KCMF1: variants seen among roughly 807,000 people sequenced by gnomAD.
The protein encoded by KCMF1 is potassium channel modulatory factor 1.
In KCMF1, 3 loss-of-function variants were observed where a neutral mutation model predicts 41.1. That is an observed-to-expected ratio of 0.07 (90% CI 0.03 to 0.19). The LOEUF is 0.19. Ranked by LOEUF, KCMF1 falls within the 10% of genes least tolerant of loss-of-function variation. The probability of loss-of-function intolerance (pLI) is 1.00; values close to 1 mark genes in which losing one functional copy is unlikely to be tolerated. For missense variants in KCMF1, 286 were observed against 488.9 expected, an observed-to-expected ratio of 0.58 and a Z score of 3.91; for synonymous variants, 142 against 164.5, an observed-to-expected ratio of 0.86 and a Z score of 1.04.
intron 1 of KCMF1, among the ~76,000 whole-genome samples, chr2:84,974,581 T>C (rs959024985): frequency 2.1e-5 from 3 of 145,528 alleles, no homozygotes; most frequent in Admixed American, 7.1e-5. Flanking sequence ...CGAAAGCAGC[T>C]ATAGACAACC....
At chr2:85,021,912 G>A (rs1167783354) in intron 1 of KCMF1, among the ~76,000 whole-genome samples, 1 of 151,990 alleles carries the variant, frequency 6.6e-6, no homozygotes, top group Non-Finnish European at 1.5e-5. Context: ...CGCCTCCCAG[G>A]TTCAAGCAAT....
At chr2:84,996,231 G>A (rs550648367) in intron 1 of KCMF1, among the ~76,000 whole-genome samples, 65 of 152,208 alleles carry the variant, frequency 4.3e-4, no homozygotes, top group African/African-American at 1.4e-3. Flanking sequence ...GTGTAGTATT[G>A]TCTGTTACAC....
intron 1 of KCMF1, among the ~76,000 whole-genome samples, chr2:84,988,254 C>T (rs994324643): frequency 4.0e-5 from 6 of 151,526 alleles, no homozygotes; most frequent in African/African-American, 1.5e-4. Context: ...AAGTAGGCTT[C>T]TTGGGAATGG....
chr2:85,005,691 A>T (rs1674454643), intron 1 of KCMF1, among the ~76,000 whole-genome samples: 1 of 152,088 alleles, frequency 6.6e-6, no homozygotes, highest in South Asian at 2.1e-4. Flanking sequence ...TTTTTAATAA[A>T]CTAGAGATGA....
chr2:85,038,984 T>C (rs188429026), intron 3 of KCMF1, among the ~76,000 whole-genome samples: 11 of 152,362 alleles, frequency 7.2e-5, no homozygotes, highest in Admixed American at 2.0e-4. Context: ...TCTCCCAAAG[T>C]GTTGGGGTTA....
At chr2:85,007,257 C>T (rs1187979117) in intron 1 of KCMF1, among the ~76,000 whole-genome samples, 1 of 152,138 alleles carries the variant, frequency 6.6e-6, no homozygotes, top group Non-Finnish European at 1.5e-5. Flanking sequence ...AGTTATGAAA[C>T]ATGGAATAGC....
Position 85,039,032 on chromosome 2 carries a change from C to A in KCMF1, c.324+3877C>A, listed in dbSNP as rs1244817324. 2.0e-5 allele frequency among the ~76,000 whole-genome samples: 3 copies of A among 152,204 alleles called. No individual in the cohort carries two copies. The East Asian group carries it at 5.8e-4, about 29-fold the overall frequency. On this transcript the variant is annotated intron_variant, in intron 3 of 6. Coordinates refer to ENST00000409785, the MANE Select transcript of KCMF1 (RefSeq NM_020122.5). ...ACTGTGCCCTGCCCCAATTTTGGCC[C>A]CAGTTTTTAAAAAGAGATGAAATTC...
intron 1 of KCMF1, among the ~76,000 whole-genome samples, chr2:84,998,878 CT>C (rs1360190828): frequency 6.6e-6 from 1 of 151,606 alleles, no homozygotes; most frequent in Non-Finnish European, 1.5e-5. Context: ...TCCCAAAGTG[CT>C]GGGATTACAG....
At chr2:85,008,872 C>G (rs758493680) in intron 1 of KCMF1, among the ~76,000 whole-genome samples, 30 of 151,772 alleles carry the variant, frequency 2.0e-4, no homozygotes, top group Admixed American at 2.0e-3. Context: ...TCAGGCAGTC[C>G]TCCCCCGCTC....
chr2:85,030,011 A>G (rs1053635236), intron 2 of KCMF1, among the ~76,000 whole-genome samples: 1 of 151,918 alleles, frequency 6.6e-6, no homozygotes, highest in Non-Finnish European at 1.5e-5. Flanking sequence ...CCTAGCCCAC[A>G]CTTTTTGTCC....
chr2:85,031,594 C>T (rs1050441926), intron 2 of KCMF1, among the ~76,000 whole-genome samples: 2 of 152,152 alleles, frequency 1.3e-5, no homozygotes, highest in African/African-American at 4.8e-5. Flanking sequence ...TTAATGTAGA[C>T]TAGGCTAAGC....
chr2:84,973,889 G>A (rs1425627638), intron 1 of KCMF1, among the ~76,000 whole-genome samples: 2 of 140,500 alleles, frequency 1.4e-5, no homozygotes, highest in Admixed American at 7.4e-5. Flanking sequence ...GTGCAGTGGC[G>A]TGATCTCGGC....
intron 3 of KCMF1, among the ~76,000 whole-genome samples, chr2:85,041,767 T>TC (rs1193244531): frequency 2.6e-5 from 4 of 151,138 alleles, no homozygotes; most frequent in Non-Finnish European, 5.9e-5. Context: ...TGGTCTTTTT[T>TC]TTTTTTTTTT....
Position 85,056,479 on chromosome 2 carries a change from T to C in KCMF1, c.*3070T>C, listed in dbSNP as rs1405097082. The C allele has an allele frequency of 6.6e-6, 1 of 152,160 alleles. No homozygotes were observed. The highest frequency in any genetic ancestry group is 2.4e-5 in the African/African-American group (1 of 41,432). 9.4% of individuals were successfully genotyped at this position (152,160 alleles called of 1,614,324 possible). ...TTAGTTTCCAGGAAAAAAGCTAGGC[T>C]CCTCACTGCAAATATTAACGCTTTA... On this transcript the variant is annotated 3_prime_UTR_variant, in exon 7 of 7. Transcript: ENST00000409785.
chr2:85,020,196 C>T (rs1168698551), intron 1 of KCMF1, among the ~76,000 whole-genome samples: 4 of 152,086 alleles, frequency 2.6e-5, no homozygotes, highest in Non-Finnish European at 5.9e-5. Context: ...AGTAGGCATC[C>T]CCACCTCAGA....
At chr2:84,972,120 C>T (rs1438861207) in intron 1 of KCMF1, 1 of 152,220 alleles carries the variant, frequency 6.6e-6, no homozygotes, top group Non-Finnish European at 1.5e-5. Context: ...GGATCCGACC[C>T]CGCCGCAGCA....
intron 5 of KCMF1, 105 bp from the exon 6 acceptor site, chr2:85,049,261 C>G: frequency 1.7e-6 from 2 of 1,162,438 alleles, no homozygotes; most frequent in Non-Finnish European, 1.2e-6. Flanking sequence ...TGGTTACCTA[C>G]CTGTTCACAA....
intron 1 of KCMF1, among the ~76,000 whole-genome samples, chr2:85,020,258 G>A (rs1050188248): frequency 2.0e-5 from 3 of 152,122 alleles, no homozygotes; most frequent in African/African-American, 7.2e-5. Flanking sequence ...AAAAAGTTCA[G>A]AGCTGGGTTT....
At chr2:84,984,505 T>C (rs1456543266) in intron 1 of KCMF1, among the ~76,000 whole-genome samples, 1 of 152,230 alleles carries the variant, frequency 6.6e-6, no homozygotes, top group Non-Finnish European at 1.5e-5. Flanking sequence ...CTTTTATTTA[T>C]TTTTTTCTTT....
Sources: gnomAD v4.1 joint callset for allele counts (sites outside exome capture counted in the v4.1 genomes callset) on GRCh38, gnomAD v4.1.1 for gene constraint, MANE v1.5 for transcripts, NCBI Gene and HGNC (gene_info 2026-07-23, HGNC 2026-07-21) for gene names.